IFFO1: variants seen among roughly 807,000 people sequenced by gnomAD.
The protein encoded by IFFO1 is intermediate filament family orphan 1.
Under a neutral mutation model 59.6 loss-of-function variants are expected in IFFO1, and 42 were observed. The ratio of observed to expected loss-of-function variants is 0.70; its 90% CI spans 0.55 to 0.91. The LOEUF is 0.91. Ranked by LOEUF, IFFO1 falls within the 40% of genes least tolerant of loss-of-function variation. IFFO1 has a pLI of 0.00. For missense variants in IFFO1, 711 were observed against 793.2 expected, an observed-to-expected ratio of 0.90 and a Z score of 1.24; for synonymous variants, 336 against 342.8, an observed-to-expected ratio of 0.98 and a Z score of 0.22.
At chr12:6,550,269 C>A in intron 3 of IFFO1, 1 of 324,208 alleles carries the variant, frequency 3.1e-6, no homozygotes, top group African/African-American at 2.1e-5. Flanking sequence ...CTATAATAAT[C>A]GCAACAGCTA....
intron 8 of IFFO1, chr12:6,543,977 A>G (rs1349503741): frequency 6.6e-6 from 1 of 152,026 alleles, no homozygotes; most frequent in Admixed American, 6.6e-5. Flanking sequence ...AAAAATAATA[A>G]TAATAATTTT....
Position 6,549,142 on chromosome 12 carries a change from A to T in IFFO1, c.1081-293T>A. The T allele has an allele frequency of 1.9e-6, 1 of 514,074 alleles. No individual in the cohort carries two copies. 31.8% of individuals were successfully genotyped at this position (514,074 alleles called of 1,614,324 possible). A position where few individuals can be genotyped will look rare whatever the true frequency, so the allele number is the denominator to read the frequency against. On this transcript the variant is annotated intron_variant, in intron 5 of 9. Coordinates refer to ENST00000619571, the MANE Select transcript of IFFO1 (RefSeq NM_001193457.2). The surrounding 1 kb of genome is among the most constrained non-coding windows in gnomAD (Gnocchi z 5.0). ...GCAGTCAGATGTGCATGATGGCTCA[A>T]GAGGAAATTTTTTTCTAAAAAAAGT...
At position 6,548,012 on chromosome 12, in the gene IFFO1, C is replaced by G. The variant is rs1374157022; in HGVS notation, c.1479+53G>C. The G allele has an allele frequency of 1.5e-6, 2 of 1,357,872 alleles. No homozygotes were observed. Among genetic ancestry groups the G allele is most frequent in the Non-Finnish European group, 2.1e-6 (2 of 946,934 alleles). The allele number at this position is 1,357,872 out of a possible 1,614,324, so 84.1% of individuals were successfully genotyped here. Reference sequence around the variant, plus strand: ...GGATGAGGCCACTGCGCCTGCAGCCCCACTCAAAACCCTCTGGGACACCAC... The same window carrying G: ...GGATGAGGCCACTGCGCCTGCAGCCGCACTCAAAACCCTCTGGGACACCAC... On this transcript the variant is annotated intron_variant, in intron 8 of 9. Coordinates refer to ENST00000619571, the MANE Select transcript of IFFO1 (RefSeq NM_001193457.2). This position sits in a 1 kb window ranked among gnomAD's most constrained non-coding sequence, Gnocchi z 6.1.
At chr12:6,550,444 C>A in intron 3 of IFFO1, 1 of 549,444 alleles carries the variant, frequency 1.8e-6, no homozygotes, top group Non-Finnish European at 3.3e-6. Context: ...AGCCTCCACC[C>A]CAGAAGCTGC....
At position 6,549,824 on chromosome 12, in the gene IFFO1, C is replaced by T; in HGVS notation, c.1003G>A (p.Asp335Asn). The T allele has an allele frequency of 3.7e-6, 6 of 1,614,168 alleles. No individual in the cohort carries two copies. Among genetic ancestry groups the T allele is most frequent in the South Asian group, 1.1e-5 (1 of 91,080 alleles). Reference sequence around the variant, plus strand: ...ACATCGCAGAGCTTGGCGGTGATGTCGATGCGGCGGCAGATGTCCATATCC... The same window carrying T: ...ACATCGCAGAGCTTGGCGGTGATGTTGATGCGGCGGCAGATGTCCATATCC... Reference protein sequence around the residue: ...KVDMDICRRIDITAKLCDVAQ... With the variant: ...KVDMDICRRINITAKLCDVAQ... The change falls in exon 4 of 10, where the codon GAC becomes AAC. Residue 335 changes from aspartate to asparagine, a missense_variant. Asp to Asn is a conservative substitution (Grantham distance 23). Transcript: ENST00000619571. This position sits in a 1 kb window ranked among gnomAD's most constrained non-coding sequence, Gnocchi z 5.0.
chr12:6,546,784 C>T (rs1007754867), intron 8 of IFFO1, among the ~76,000 whole-genome samples: 9 of 152,148 alleles, frequency 5.9e-5, no homozygotes, highest in Admixed American at 2.0e-4. Context: ...CCACCGCGCC[C>T]GGCCTCCACA....
chr12:6,543,027 G>A (rs1484342809), intron 8 of IFFO1, among the ~76,000 whole-genome samples: 2 of 152,210 alleles, frequency 1.3e-5, no homozygotes, highest in African/African-American at 4.8e-5. Flanking sequence ...GTCAGGAGAT[G>A]TCCTTGACAA....
chr12:6,555,995 A>C lies in IFFO1; in HGVS notation c.35T>G (p.Leu12Arg). The change falls in exon 1 of 10, where the codon CTG becomes CGG. Residue 12 changes from leucine to arginine, a missense_variant. Around this residue, in one of 3 missense-constraint regions of IFFO1, gnomAD observed 114 missense variants for 102.4 expected, o/e 1.11. Coordinates refer to ENST00000619571, the MANE Select transcript of IFFO1 (RefSeq NM_001193457.2). This position sits in a 1 kb window ranked among gnomAD's most constrained non-coding sequence, Gnocchi z 8.6. ...NPLFGPNLFL[L>R]QQEQQGLAGP... ...GGCCAGGCCCTGCTGCTCCTGCTGCAGGAGGAAGAGGTTGGGGCCGAATAA... is the reference window on the plus strand; with the variant it reads ...GGCCAGGCCCTGCTGCTCCTGCTGCCGGAGGAAGAGGTTGGGGCCGAATAA... 6.3e-7 allele frequency: 1 copy of C among 1,578,756 alleles called. No homozygotes were observed.
At position 6,549,130 on chromosome 12, in the gene IFFO1, C is replaced by A. The variant is rs1401388335; in HGVS notation, c.1081-281G>T. On this transcript the variant is annotated intron_variant, in intron 5 of 9. Coordinates refer to ENST00000619571, the MANE Select transcript of IFFO1 (RefSeq NM_001193457.2). This position sits in a 1 kb window ranked among gnomAD's most constrained non-coding sequence, Gnocchi z 5.0. ...CTCGCTGGGGCTGCAGTCAGATGTG[C>A]ATGATGGCTCAAGAGGAAATTTTTT... The A allele has an allele frequency of 2.3e-5, 12 of 529,794 alleles. No individual in the cohort carries two copies. The highest frequency in any genetic ancestry group is 4.0e-5 in the Non-Finnish European group (12 of 301,678). 32.8% of individuals were successfully genotyped at this position (529,794 alleles called of 1,614,324 possible).
In IFFO1 at chr12:6,548,344, G is replaced by T; in HGVS notation, c.1383+81C>A. On this transcript the variant is annotated intron_variant, in intron 7 of 9. Transcript: ENST00000619571. The surrounding 1 kb of genome is among the most constrained non-coding windows in gnomAD (Gnocchi z 6.1). ...AGGATGACAGCCACATGGGGGGACA[G>T]AGCAAGGAGAGGAGCGGGGGAGTGG... The T allele has an allele frequency of 6.6e-7, 1 of 1,513,366 alleles. No individual in the cohort carries two copies. The highest frequency in any genetic ancestry group is 1.2e-5 in the South Asian group (1 of 81,518). The allele number at this position is 1,513,366 out of a possible 1,614,324, so 93.7% of individuals were successfully genotyped here. A position where few individuals can be genotyped will look rare whatever the true frequency, so the allele number is the denominator to read the frequency against.
At position 6,548,628 on chromosome 12, in the gene IFFO1, T is replaced by C. The variant is rs781456293; in HGVS notation, c.1262+40A>G. 2 of 1,613,838 alleles carry C rather than the reference T, an allele frequency of 1.2e-6. No homozygotes were observed. ...GGGGAGCTCCGGCCTCCTGGGCTGCTGTGGCGTCGGTGCTGCGGGAGCACG... is the reference window on the plus strand; with the variant it reads ...GGGGAGCTCCGGCCTCCTGGGCTGCCGTGGCGTCGGTGCTGCGGGAGCACG... On this transcript the variant is annotated intron_variant, in intron 6 of 9. Coordinates refer to ENST00000619571, the MANE Select transcript of IFFO1 (RefSeq NM_001193457.2). This position sits in a 1 kb window ranked among gnomAD's most constrained non-coding sequence, Gnocchi z 6.1.
rs367859515 is a variant in IFFO1 at position 6,540,592 on chromosome 12, G to C, written c.1611-4C>G. ...CGCAGTGAAAGCAGGAGACTTTCTA[G>C]AAAAAAACACCAGTTGTCAACCTTG... On this transcript the variant is annotated splice_region_variant and splice_polypyrimidine_tract_variant and intron_variant, in intron 9 of 9. Coordinates refer to ENST00000619571, the MANE Select transcript of IFFO1 (RefSeq NM_001193457.2). The C allele has an allele frequency of 1.4e-5, 22 of 1,611,786 alleles. No homozygotes were observed. The highest frequency in any genetic ancestry group is 1.9e-5 in the Non-Finnish European group (22 of 1,178,942).
chr12:6,548,655 C>T lies in IFFO1; in HGVS notation c.1262+13G>A. ...TGGCGTCGGTGCTGCGGGAGCACGGCCTGCGGACTCACAGCTGGTTGAGCA... is the reference window on the plus strand; with the variant it reads ...TGGCGTCGGTGCTGCGGGAGCACGGTCTGCGGACTCACAGCTGGTTGAGCA... On this transcript the variant is annotated intron_variant, in intron 6 of 9. Transcript: ENST00000619571. The surrounding 1 kb of genome is among the most constrained non-coding windows in gnomAD (Gnocchi z 6.1). The T allele has an allele frequency of 6.2e-7, 1 of 1,614,044 alleles. No homozygotes were observed. Among genetic ancestry groups the T allele is most frequent in the Non-Finnish European group, 8.5e-7 (1 of 1,179,970 alleles).
Position 6,549,159 on chromosome 12 carries a change from A to T in IFFO1, c.1081-310T>A, listed in dbSNP as rs1470356025. ...ATGGCTCAAGAGGAAATTTTTTTCT[A>T]AAAAAAGTCTTTTTGATTAAATGAC... is the stretch of plus-strand genomic sequence containing the variant. On this transcript the variant is annotated intron_variant, in intron 5 of 9. Coordinates refer to ENST00000619571, the MANE Select transcript of IFFO1 (RefSeq NM_001193457.2). The surrounding 1 kb of genome is among the most constrained non-coding windows in gnomAD (Gnocchi z 5.0). 1 of 508,080 alleles carries T rather than the reference A, an allele frequency of 2.0e-6. No individual in the cohort carries two copies. The highest frequency in any genetic ancestry group is 3.5e-6 in the Non-Finnish European group (1 of 289,572). The allele number at this position is 508,080 out of a possible 1,614,324, so 31.5% of individuals were successfully genotyped here.
Position 6,549,954 on chromosome 12 carries a change from A to G in IFFO1, c.931-58T>C. The G allele has an allele frequency of 6.4e-7, 1 of 1,562,338 alleles. No individual in the cohort carries two copies. Among genetic ancestry groups the G allele is most frequent in the Non-Finnish European group, 8.7e-7 (1 of 1,149,364 alleles). On this transcript the variant is annotated intron_variant, in intron 3 of 9. Coordinates refer to ENST00000619571, the MANE Select transcript of IFFO1 (RefSeq NM_001193457.2). The surrounding 1 kb of genome is among the most constrained non-coding windows in gnomAD (Gnocchi z 5.0). ...CGCCCAGTTCTCCAGACAAGGACGA[A>G]TTAGGCCTGGCAAGGTCCTCATCCT...
At chr12:6,542,131 C>T (rs749645474) in intron 8 of IFFO1, among the ~76,000 whole-genome samples, 13 of 152,224 alleles carry the variant, frequency 8.5e-5, no homozygotes, top group Non-Finnish European at 1.8e-4. Context: ...TGACCCGTGG[C>T]ATACAAGCCT....
Position 6,540,505 on chromosome 12 carries a change from G to A in IFFO1, c.1694C>T (p.Ser565Leu), listed in dbSNP as rs1344716182. 6 of 1,613,952 alleles carry A rather than the reference G, an allele frequency of 3.7e-6. No individual in the cohort carries two copies. Among genetic ancestry groups the A allele is most frequent in the Non-Finnish European group, 5.1e-6 (6 of 1,179,972 alleles). Reference sequence around the variant, plus strand: ...TCTCTATCTCATGGAGCTGTCAGATGAGACATCGCGATCGGAGTCCTCAGC... The same window carrying A: ...TCTCTATCTCATGGAGCTGTCAGATAAGACATCGCGATCGGAGTCCTCAGC... ...SEAEDSDRDV[S>L]SDSSMR The change falls in exon 10 of 10, where the codon TCA (serine) becomes TTA (leucine). Residue 565 changes from serine (S) to leucine (L), a missense_variant. Ser to Leu is a moderately radical substitution (Grantham distance 145). Transcript: ENST00000619571.
chr12:6,552,712 T>C (rs1947282521), intron 1 of IFFO1, among the ~76,000 whole-genome samples: 1 of 152,112 alleles, frequency 6.6e-6, no homozygotes, highest in Non-Finnish European at 1.5e-5. Context: ...GAAACTTAAG[T>C]AAGGCAGTTA....
At position 6,548,820 on chromosome 12, in the gene IFFO1, T is replaced by C. The variant is rs1947097286; in HGVS notation, c.1110A>G (p.Pro370=). 1 of 1,612,328 alleles carries C rather than the reference T, an allele frequency of 6.2e-7. No individual in the cohort carries two copies. Among genetic ancestry groups the C allele is most frequent in the South Asian group, 1.1e-5 (1 of 90,912 alleles). ...GCTCCCGCTTCCGCCCCCCCATGGA[T>C]GGGACCTTAATGGGAGACAAGTGCA... ...LSLHLSPIKV[P]SMGGRKRERK... is the part of the protein sequence containing the mutation. The change falls in exon 6 of 10, where the codon CCA becomes CCG. Residue 370 remains proline, a synonymous_variant. Transcript: ENST00000619571. This position sits in a 1 kb window ranked among gnomAD's most constrained non-coding sequence, Gnocchi z 6.1.
Sources: allele counts gnomAD v4.1 joint callset (sites outside exome capture counted in the v4.1 genomes callset), GRCh38; gene constraint gnomAD v4.1.1; regional missense constraint gnomAD v4.1.1; non-coding constraint Gnocchi (gnomAD v3.1); transcripts MANE v1.5; gene names NCBI Gene and HGNC (gene_info 2026-07-23, HGNC 2026-07-21).